RTKN: variants seen among roughly 807,000 people sequenced by gnomAD.
RTKN encodes rhotekin.
Under a neutral mutation model 63.5 loss-of-function variants are expected in RTKN, and 49 were observed. That is an observed-to-expected ratio of 0.77 (90% CI 0.61 to 0.98). The LOEUF (loss-of-function observed/expected upper bound fraction) is 0.98. RTKN is among the 50% of genes least tolerant of loss of function. The probability of loss-of-function intolerance (pLI) is 0.00; values close to 1 mark genes in which losing one functional copy is unlikely to be tolerated. For missense variants in RTKN, 685 were observed against 740.8 expected, an observed-to-expected ratio of 0.92 and a Z score of 0.87; for synonymous variants, 295 against 290.4, an observed-to-expected ratio of 1.02 and a Z score of -0.16.
intron 9 of RTKN, chr2:74,427,979 T>C (rs375566910): frequency 5.9e-6 from 3 of 511,806 alleles, no homozygotes; most frequent in African/African-American, 3.8e-5. Context: ...TAGATATAAA[T>C]TGGAATCTGA....
In RTKN at chr2:74,429,805, G is replaced by T. The variant is rs774605770; in HGVS notation, c.755+23C>A. ...GGGCAGAATACAGGCAGCTGAGGGTGGTGTCGGTGTGCAAGGCCTTACCCA... is the reference window on the plus strand; with the variant it reads ...GGGCAGAATACAGGCAGCTGAGGGTTGTGTCGGTGTGCAAGGCCTTACCCA... On this transcript the variant is annotated intron_variant, in intron 6 of 11. Transcript: ENST00000272430. The T allele has an allele frequency of 1.9e-5, 30 of 1,601,924 alleles. No individual in the cohort carries two copies. The South Asian group carries it at 3.2e-4, about 17-fold the overall frequency.
chr2:74,426,242 C>T lies in RTKN; in HGVS notation c.*1G>A. ...AGATCCTATGCCAGCACCTTTCTCT[C>T]TCACACTGGTGACTGGAGCCAAGTG... On this transcript the variant is annotated 3_prime_UTR_variant, in exon 12 of 12. Transcript: ENST00000272430. The T allele has an allele frequency of 1.2e-6, 2 of 1,613,530 alleles. No individual in the cohort carries two copies. Among genetic ancestry groups the T allele is most frequent in the Non-Finnish European group, 8.5e-7 (1 of 1,179,500 alleles).
At chr2:74,432,308 C>G (rs747693896) in intron 2 of RTKN, 159 bp downstream of exon 2, 2 of 782,588 alleles carry the variant, frequency 2.6e-6, no homozygotes, top group East Asian at 2.6e-5. Context: ...GGGCAACACA[C>G]AGTGGTGGTA....
chr2:74,432,423 A>G lies in RTKN; in HGVS notation c.311+44T>C, dbSNP rs1471628286. On this transcript the variant is annotated intron_variant, in intron 2 of 11. Transcript: ENST00000272430. Reference sequence around the variant, plus strand: ...CACATGCTGCACCACCACCACCCAGAAGGCCTCCTGCCTCCATCGAGGCCT... The same window carrying G: ...CACATGCTGCACCACCACCACCCAGGAGGCCTCCTGCCTCCATCGAGGCCT... The G allele has an allele frequency of 5.7e-6, 9 of 1,567,136 alleles. 1 individual carries two copies. The South Asian group carries it at 8.9e-5, about 15-fold the overall frequency.
intron 1 of RTKN, chr2:74,440,267 G>C (rs1671289446): frequency 1.3e-6 from 1 of 745,122 alleles, no homozygotes. Context: ...ACAAAGGGGT[G>C]AGTTGGCAAA....
At chr2:74,433,048 C>A (rs1573252919) in intron 1 of RTKN, among the ~76,000 whole-genome samples, 1 of 152,156 alleles carries the variant, frequency 6.6e-6, no homozygotes. Flanking sequence ...TCGAGACCAT[C>A]CCGGCTAACA....
rs1670638705 is a variant in RTKN, at chr2:74,429,866, T to C, written c.717A>G (p.Ser239=). 1 of 1,614,064 alleles carries C rather than the reference T, an allele frequency of 6.2e-7. No homozygotes were observed. The highest frequency in any genetic ancestry group is 1.3e-5 in the African/African-American group (1 of 74,942). Residue 239 remains serine, a synonymous_variant, in exon 6 of 12, where the codon TCA becomes TCG. Coordinates refer to ENST00000272430, the MANE Select transcript of RTKN (RefSeq NM_001015055.2). ...VRASLDSAGG[S]GSSPILLPTP... ...TGGGGAGCAAGATGGGACTGCTCCC[T>C]GAACCCCCAGCACTGTCCAGCGATG...
chr2:74,432,489 C>T lies in RTKN; in HGVS notation c.289G>A (p.Val97Met). 2.5e-6 allele frequency: 4 copies of T among 1,611,360 alleles called. No homozygotes were observed. The highest frequency in any genetic ancestry group is 3.4e-6 in the Non-Finnish European group (4 of 1,180,004). Residue 97 changes from valine to methionine, a missense_variant, in exon 2 of 12, where the codon GTG (valine) becomes ATG (methionine). Transcript: ENST00000272430. ...GELQRRKEAQVLGKTSRRPSD... is the reference protein window; with the variant it reads ...GELQRRKEAQMLGKTSRRPSD... ...CACCGCCGGCTTGTCTTCCCCAGCACCTGCGCCTCCTTGCGCCGCTGCAGC... is the reference window on the plus strand; with the variant it reads ...CACCGCCGGCTTGTCTTCCCCAGCATCTGCGCCTCCTTGCGCCGCTGCAGC...
At position 74,441,758 on chromosome 2, in the gene RTKN, A is replaced by G. The variant is rs573660468; in HGVS notation, c.59T>C (p.Met20Thr). Residue 20 changes from methionine to threonine, a missense_variant, in exon 1 of 12, where the codon ATG becomes ACG. Coordinates refer to ENST00000272430, the MANE Select transcript of RTKN (RefSeq NM_001015055.2). Reference protein sequence around the residue: ...VTVARGSALEMEFKRGRFRLS... With the variant: ...VTVARGSALETEFKRGRFRLS... ...TCGGAAGCGGCCGCGTTTGAACTCCATCTCCAGGGCGGAGCCCCTGGCCAC... is the reference window on the plus strand; with the variant it reads ...TCGGAAGCGGCCGCGTTTGAACTCCGTCTCCAGGGCGGAGCCCCTGGCCAC... 155 of 1,612,122 alleles carry G rather than the reference A, an allele frequency of 9.6e-5. No homozygotes were observed. Among genetic ancestry groups the G allele is most frequent in the Non-Finnish European group, 1.3e-4 (149 of 1,179,666 alleles).
Position 74,427,397 on chromosome 2 carries a change from G to A in RTKN, c.1255+27C>T, listed in dbSNP as rs201292699. On this transcript the variant is annotated intron_variant, in intron 10 of 11. Transcript: ENST00000272430. ...TGACAAACTCCAGTTCTTCCCAAAGGTTCAACCCAGCCCCCTTCTCTCTTA... is the reference window on the plus strand; with the variant it reads ...TGACAAACTCCAGTTCTTCCCAAAGATTCAACCCAGCCCCCTTCTCTCTTA... 5 of 1,612,424 alleles carry A rather than the reference G, an allele frequency of 3.1e-6. No homozygotes were observed. The South Asian group carries it at 4.4e-5, about 14-fold the overall frequency.
At position 74,441,660 on chromosome 2, in the gene RTKN, C is replaced by T; in HGVS notation, c.111+46G>A. On this transcript the variant is annotated intron_variant, in intron 1 of 11. Transcript: ENST00000272430. The stretch of plus-strand genomic sequence containing the variant: ...AAGGAGGCCGAGGTGGCTGGGGCTG[C>T]CCCCGGGAGCCGCGGAAGGGGAAGG... 2.1e-6 allele frequency: 3 copies of T among 1,402,864 alleles called. No individual in the cohort carries two copies. In the South Asian group the frequency reaches 3.7e-5, roughly 17 times the overall value. 86.9% of individuals were successfully genotyped at this position (1,402,864 alleles called of 1,614,324 possible).
chr2:74,426,373 A>C lies in RTKN; in HGVS notation c.1562T>G (p.Leu521Arg), dbSNP rs1670390221. ...LPWGRPRTFS[L>R]DAVPPDHSPR... Reference sequence around the variant, plus strand: ...GGAGTGGTCTGGGGGGACAGCATCCAGGGAAAAGGTTCGGGGTCTCCCCCA... The same window carrying C: ...GGAGTGGTCTGGGGGGACAGCATCCCGGGAAAAGGTTCGGGGTCTCCCCCA... Residue 521 changes from leucine to arginine, a missense_variant, in exon 12 of 12, where the codon CTG (leucine) becomes CGG (arginine). Physicochemically the swap from Leu to Arg is moderately radical, Grantham distance 102. Coordinates refer to ENST00000272430, the MANE Select transcript of RTKN (RefSeq NM_001015055.2). 4 of 1,611,422 alleles carry C rather than the reference A, an allele frequency of 2.5e-6. No homozygotes were observed. The highest frequency in any genetic ancestry group is 3.4e-6 in the Non-Finnish European group (4 of 1,178,562).
intron 1 of RTKN, among the ~76,000 whole-genome samples, chr2:74,434,313 C>T (rs1291873283): frequency 1.4e-5 from 2 of 145,464 alleles, no homozygotes; most frequent in African/African-American, 5.1e-5. Context: ...CCGAGTCTTA[C>T]TCTGTTGCCC....
rs761545148 is a variant in RTKN at position 74,436,819 on chromosome 2, G to C, written c.112-4153C>G. Among the ~76,000 whole-genome samples, 4 of 152,250 alleles carry C rather than the reference G, an allele frequency of 2.6e-5. No individual in the cohort carries two copies. Among genetic ancestry groups the C allele is most frequent in the Non-Finnish European group, 4.4e-5 (3 of 67,992 alleles). Reference sequence around the variant, plus strand: ...CAGAGGAACTGGGAATCCTGGCTCAGGATCTGGACCCTTGTGCTTCTAGCG... The same window carrying C: ...CAGAGGAACTGGGAATCCTGGCTCACGATCTGGACCCTTGTGCTTCTAGCG... On this transcript the variant is annotated intron_variant, in intron 1 of 11. Coordinates refer to ENST00000272430, the MANE Select transcript of RTKN (RefSeq NM_001015055.2). This position sits in a 1 kb window ranked among gnomAD's most constrained non-coding sequence, Gnocchi z 4.3.
intron 1 of RTKN, among the ~76,000 whole-genome samples, chr2:74,435,337 T>C (rs1670995681): frequency 6.6e-6 from 1 of 152,192 alleles, no homozygotes; most frequent in Non-Finnish European, 1.5e-5. Flanking sequence ...CCTAGGGCTG[T>C]GAGAATTCTG....
Position 74,432,506 on chromosome 2 carries a change from C to T in RTKN, c.272G>A (p.Arg91Gln), listed in dbSNP as rs200885225. ...RILSYMGELQ[R>Q]RKEAQVLGKT... is the part of the protein sequence containing the mutation. ...CCCCAGCACCTGCGCCTCCTTGCGC[C>T]GCTGCAGCTCGCCCATGTAGCTGAG... Residue 91 changes from arginine (R) to glutamine (Q), a missense_variant, in exon 2 of 12, where the codon CGG becomes CAG. Arg to Gln is a conservative substitution (Grantham distance 43, BLOSUM62 1). Transcript: ENST00000272430. The T allele has an allele frequency of 2.2e-5, 35 of 1,613,108 alleles. No homozygotes were observed. In the Admixed American group the frequency reaches 5.2e-4, roughly 24 times the overall value.
chr2:74,435,265 G>A (rs1344226065), intron 1 of RTKN, among the ~76,000 whole-genome samples: 1 of 152,150 alleles, frequency 6.6e-6, no homozygotes, highest in African/African-American at 2.4e-5. Flanking sequence ...AAAGCAATGG[G>A]CAATTTGCTC....
Position 74,430,239 on chromosome 2 carries a change from G to A in RTKN, c.545+13C>T. 1 of 1,604,960 alleles carries A rather than the reference G, an allele frequency of 6.2e-7. No individual in the cohort carries two copies. The highest frequency in any genetic ancestry group is 8.5e-7 in the Non-Finnish European group (1 of 1,171,680). ...AGTGGAGGAAGGAGGTAGCCACAGT[G>A]TGAGGTACTCACAAGAGCACATTGC... On this transcript the variant is annotated intron_variant, in intron 5 of 11. Coordinates refer to ENST00000272430, the MANE Select transcript of RTKN (RefSeq NM_001015055.2).
At position 74,440,332 on chromosome 2, in the gene RTKN, C is replaced by G; in HGVS notation, c.111+1374G>C. On this transcript the variant is annotated intron_variant, in intron 1 of 11. Transcript: ENST00000272430. ...ACTCAGGGCCCCCATCCAGCCCGCT[C>G]CACCCTGGGCTCACAATTACCTCGC... 3 of 984,468 alleles carry G rather than the reference C, an allele frequency of 3.0e-6. No homozygotes were observed. The African/African-American group carries it at 5.2e-5, about 17-fold the overall frequency. The allele number at this position is 984,468 out of a possible 1,614,324, so 61.0% of individuals were successfully genotyped here. A position where few individuals can be genotyped will look rare whatever the true frequency, so the allele number is the denominator to read the frequency against.
Sources: allele counts gnomAD v4.1 joint callset (sites outside exome capture counted in the v4.1 genomes callset), GRCh38; gene constraint gnomAD v4.1.1; non-coding constraint Gnocchi (gnomAD v3.1); transcripts MANE v1.5; gene names NCBI Gene and HGNC (gene_info 2026-07-23, HGNC 2026-07-21).